The following ZFAT variants were observed in gnomAD, a reference collection of about 807,000 sequenced individuals.
ZFAT encodes zinc finger and AT-hook domain containing.
Under a neutral mutation model 117.7 loss-of-function variants are expected in ZFAT, and 64 were observed. That is an observed-to-expected ratio of 0.54 (90% CI 0.44 to 0.67). The LOEUF (loss-of-function observed/expected upper bound fraction) is 0.67, where lower values mean the gene tolerates loss of function less well. Ranked by LOEUF, ZFAT falls within the 30% of genes least tolerant of loss-of-function variation. The probability of loss-of-function intolerance (pLI) is 0.00; values close to 1 mark genes in which losing one functional copy is unlikely to be tolerated. For synonymous variants in ZFAT, 679 were observed against 615.0 expected, an observed-to-expected ratio of 1.10 and a Z score of -1.54; for missense variants, 1,433 against 1,584.5, an observed-to-expected ratio of 0.90 and a Z score of 1.62.
intron 1 of ZFAT, among the ~76,000 whole-genome samples, chr8:134,680,888 G>A (rs59283955): frequency 0.016 from 2,402 of 152,216 alleles, 68 homozygotes; most frequent in African/African-American, 0.055. Flanking sequence ...GGTAAACTGG[G>A]TAAAAGGTAT....
At position 134,507,733 on chromosome 8, in the gene ZFAT, T is replaced by C. The variant is rs1003927766; in HGVS notation, c.3492+1886A>G. On this transcript the variant is annotated intron_variant, in intron 15 of 15. Transcript: ENST00000377838. ...ATTGCCTGCGAGGCTCAATAAATCATGTCTCCCAGCAGCAGCAAATCAATC... is the reference window on the plus strand; with the variant it reads ...ATTGCCTGCGAGGCTCAATAAATCACGTCTCCCAGCAGCAGCAAATCAATC... 2.6e-5 allele frequency among the ~76,000 whole-genome samples: 4 copies of C among 152,132 alleles called. No individual in the cohort carries two copies. The East Asian group carries it at 5.8e-4, about 22-fold the overall frequency.
rs149312401 is a variant in ZFAT at position 134,478,185 on chromosome 8, A to G, written c.*297T>C. On this transcript the variant is annotated 3_prime_UTR_variant, in exon 16 of 16. Coordinates refer to ENST00000377838, the MANE Select transcript of ZFAT (RefSeq NM_020863.4). This position sits in a 1 kb window ranked among gnomAD's most constrained non-coding sequence, Gnocchi z 5.2. Reference sequence around the variant, plus strand: ...GGAGTCTCTGTTTGAATCTTGAAGCAAGGGGTGAAGGTGTGGGGTGTGTGT... The same window carrying G: ...GGAGTCTCTGTTTGAATCTTGAAGCGAGGGGTGAAGGTGTGGGGTGTGTGT... 2.8e-4 allele frequency: 109 copies of G among 386,194 alleles called. No individual in the cohort carries two copies. Among genetic ancestry groups the G allele is most frequent in the Admixed American group, 6.3e-4 (16 of 25,588 alleles). 23.9% of individuals were successfully genotyped at this position (386,194 alleles called of 1,614,324 possible).
At chr8:134,616,380 C>G (rs992454336) in intron 3 of ZFAT, among the ~76,000 whole-genome samples, 6 of 152,218 alleles carry the variant, frequency 3.9e-5, no homozygotes, top group Non-Finnish European at 5.9e-5. Context: ...GACCTGGTTG[C>G]TCACCAATTT....
chr8:134,708,808 G>A (rs1282174803), intron 1 of ZFAT, among the ~76,000 whole-genome samples: 3 of 151,944 alleles, frequency 2.0e-5, no homozygotes, highest in African/African-American at 4.8e-5. Flanking sequence ...CAAAATTAGC[G>A]AGGCGTGGTG....
chr8:134,590,725 C>T (rs1826430050), intron 7 of ZFAT, among the ~76,000 whole-genome samples: 2 of 126,312 alleles, frequency 1.6e-5, no homozygotes, highest in African/African-American at 5.7e-5. Flanking sequence ...CCATTACCAC[C>T]ACCACCAACA....
upstream of ZFAT, among the ~76,000 whole-genome samples, chr8:134,715,694 G>C (rs1372366583): frequency 2.0e-5 from 3 of 152,196 alleles, no homozygotes; most frequent in Non-Finnish European, 4.4e-5. Context: ...GAAGAGAGCG[G>C]CTTCCCAGCT....
rs577635007 is a variant in ZFAT, at chr8:134,667,189, G to T, written c.20-9452C>A. Reference sequence around the variant, plus strand: ...TAGGACAAAAAGGTAATGCACGCAGGGTTTAAAACATAGATGACAGGTGGC... The same window carrying T: ...TAGGACAAAAAGGTAATGCACGCAGTGTTTAAAACATAGATGACAGGTGGC... On this transcript the variant is annotated intron_variant, in intron 1 of 15. Transcript: ENST00000377838. Among the ~76,000 whole-genome samples, 16 of 152,240 alleles carry T rather than the reference G, an allele frequency of 1.1e-4. No homozygotes were observed. In the South Asian group the frequency reaches 3.3e-3, roughly 32 times the overall value.
chr8:134,764,477 T>C, the ZFAT span, among the ~76,000 whole-genome samples: 1 of 152,368 alleles, frequency 6.6e-6, no homozygotes, highest in South Asian at 2.1e-4. Context: ...ACTGGAAATA[T>C]TGCTTAACTA....
At chr8:134,736,334 A>C in the ZFAT span, among the ~76,000 whole-genome samples, 3 of 152,142 alleles carry the variant, frequency 2.0e-5, no homozygotes, top group Non-Finnish European at 4.4e-5. Context: ...ACGACCTTTC[A>C]TGTGCAAAGT....
At chr8:134,661,377 C>T (rs2131220200) in intron 1 of ZFAT, among the ~76,000 whole-genome samples, 1 of 152,316 alleles carries the variant, frequency 6.6e-6, no homozygotes, top group South Asian at 2.1e-4. Flanking sequence ...ACCAGCAGAG[C>T]AAAGGCAAGG....
upstream of ZFAT, among the ~76,000 whole-genome samples, chr8:134,715,069 G>A (rs1814195605): frequency 6.6e-6 from 1 of 152,210 alleles, no homozygotes; most frequent in African/African-American, 2.4e-5. Context: ...ATTTCTGTCA[G>A]GAAATTAGAG....
At chr8:134,751,348 C>T in the ZFAT span, among the ~76,000 whole-genome samples, 1,344 of 152,208 alleles carry the variant, frequency 8.8e-3, 22 homozygotes, top group African/African-American at 0.03. Context: ...ACATCAAGGA[C>T]GAAGGTCCTC....
At chr8:134,643,462 T>C (rs1830703618) in intron 2 of ZFAT, among the ~76,000 whole-genome samples, 1 of 152,120 alleles carries the variant, frequency 6.6e-6, no homozygotes, top group African/African-American at 2.4e-5. Flanking sequence ...TACAGGAGGG[T>C]ACAATGTCTA....
chr8:134,575,750 G>A (rs1409400974), intron 10 of ZFAT, among the ~76,000 whole-genome samples: 1 of 152,188 alleles, frequency 6.6e-6, no homozygotes, highest in Non-Finnish European at 1.5e-5. Flanking sequence ...CCAGCACACA[G>A]AGGTTTGCTG....
At chr8:134,581,573 T>C (rs1825712832) in intron 10 of ZFAT, among the ~76,000 whole-genome samples, 1 of 152,198 alleles carries the variant, frequency 6.6e-6, no homozygotes, top group Non-Finnish European at 1.5e-5. Context: ...TGATGACTGA[T>C]GCCTTTCTTT....
chr8:134,544,302 C>A (rs989712804), intron 11 of ZFAT, among the ~76,000 whole-genome samples: 1 of 152,198 alleles, frequency 6.6e-6, no homozygotes, highest in Non-Finnish European at 1.5e-5. Context: ...GTGCCCAGCA[C>A]AGGCAGATGC....
chr8:134,546,832 G>GTTCCT (rs1265088009), intron 11 of ZFAT, among the ~76,000 whole-genome samples: 4 of 152,216 alleles, frequency 2.6e-5, no homozygotes, highest in Non-Finnish European at 5.9e-5. Context: ...AAACAGAGCA[G>GTTCCT]TCTGCATGGA....
chr8:134,605,574 G>T, intron 5 of ZFAT, among the ~76,000 whole-genome samples: 1 of 148,108 alleles, frequency 6.8e-6, no homozygotes, highest in South Asian at 2.1e-4. Flanking sequence ...AAAAAAGAAA[G>T]AAATCCAGCA....
chr8:134,613,604 C>T (rs1247817491), intron 3 of ZFAT, among the ~76,000 whole-genome samples: 2 of 152,160 alleles, frequency 1.3e-5, no homozygotes, highest in Non-Finnish European at 2.9e-5. Context: ...CCACCCTACC[C>T]GTTCCCAATA....
Sources: allele counts gnomAD v4.1 joint callset (sites outside exome capture counted in the v4.1 genomes callset), GRCh38; gene constraint gnomAD v4.1.1; non-coding constraint Gnocchi (gnomAD v3.1); transcripts MANE v1.5; gene names NCBI Gene and HGNC (gene_info 2026-07-23, HGNC 2026-07-21).